Variants in CHL1 observed in about 807,000 individuals in gnomAD.
The protein encoded by CHL1 is neural cell adhesion molecule L1-like protein.
A neutral mutation model predicts 141.9 loss-of-function variants in CHL1; 96 were observed. That is an observed-to-expected ratio of 0.68 (90% CI 0.57 to 0.80). CHL1 has a LOEUF of 0.80. Ranked by LOEUF, CHL1 falls within the 30% of genes least tolerant of loss-of-function variation. The pLI is 0.00. For synonymous variants in CHL1, 613 were observed against 502.2 expected (o/e 1.22, Z -2.95); for missense variants, 1,820 against 1,457.2 (o/e 1.25, Z -4.05).
At chr3:349,170 C>T (rs1202545018) in intron 9 of CHL1, among the ~76,000 whole-genome samples, 189 bp from the exon 10 acceptor site, 2 of 152,164 alleles carry the variant, frequency 1.3e-5, no homozygotes, top group Admixed American at 6.5e-5. Flanking sequence ...GTGAAAGAGA[C>T]TTGCTTCAAC....
intron 2 of CHL1, among the ~76,000 whole-genome samples, chr3:274,943 C>T (rs1033523265): frequency 2.6e-5 from 4 of 152,188 alleles, no homozygotes; most frequent in Non-Finnish European, 5.9e-5. Flanking sequence ...AGCTTACTAT[C>T]AGTGTTTTTA....
chr3:399,624 G>C (rs1220977317), intron 26 of CHL1, among the ~76,000 whole-genome samples: 1 of 151,978 alleles, frequency 6.6e-6, no homozygotes, highest in Non-Finnish European at 1.5e-5. Context: ...TGGGCGACAA[G>C]AGCAAAAACT....
chr3:336,648 G>GT (rs1274694746), intron 5 of CHL1, among the ~76,000 whole-genome samples: 1 of 152,196 alleles, frequency 6.6e-6, no homozygotes, highest in Non-Finnish European at 1.5e-5. Flanking sequence ...TAACCAGTTA[G>GT]TTTTCTAGTG....
chr3:295,762 G>A (rs1698133103), intron 2 of CHL1, among the ~76,000 whole-genome samples: 1 of 152,192 alleles, frequency 6.6e-6, no homozygotes, highest in Admixed American at 6.5e-5. Flanking sequence ...AGCAATGGCT[G>A]TGGCTTTTCT....
chr3:407,219 C>G lies in CHL1; in HGVS notation c.*1508C>G, dbSNP rs902976242. 1.3e-5 allele frequency: 2 copies of G among 152,076 alleles called. No individual in the cohort carries two copies. The highest frequency in any genetic ancestry group is 2.9e-5 in the Non-Finnish European group (2 of 68,006). 9.4% of individuals were successfully genotyped at this position (152,076 alleles called of 1,614,324 possible). A position where few individuals can be genotyped will look rare whatever the true frequency, so the allele number is the denominator to read the frequency against. ...CTTAACTACTGTTTAAGTGAATTGA[C>G]TTATTTCACTTTAGTTTTTGAACTG... is the stretch of plus-strand genomic sequence containing the variant. On this transcript the variant is annotated 3_prime_UTR_variant, in exon 28 of 28. Coordinates refer to ENST00000256509, the MANE Select transcript of CHL1 (RefSeq NM_006614.4).
At chr3:225,492 C>T (rs560641212) in intron 1 of CHL1, among the ~76,000 whole-genome samples, 26 of 152,246 alleles carry the variant, frequency 1.7e-4, no homozygotes, top group African/African-American at 5.1e-4. Flanking sequence ...TCCTCAAGCA[C>T]GAGAATAGTA....
intron 5 of CHL1, 82 bp downstream of exon 5, chr3:328,436 A>G (rs996137088): frequency 6.7e-6 from 8 of 1,185,660 alleles, no homozygotes; most frequent in Non-Finnish European, 9.4e-6. Flanking sequence ...CCAATGAAAT[A>G]AAGCAGTTAT....
In CHL1 at chr3:318,339, T is replaced by A. The variant is rs377227267; in HGVS notation, c.-94-1344T>A. Among the ~76,000 whole-genome samples the A allele has an allele frequency of 4.2e-3, 641 of 152,008 alleles. 3 individuals carry two copies. Among genetic ancestry groups the A allele is most frequent in the South Asian group, 0.017 (84 of 4,818 alleles). On this transcript the variant is annotated intron_variant, in intron 2 of 27. Coordinates refer to ENST00000256509, the MANE Select transcript of CHL1 (RefSeq NM_006614.4). ...TAATGTAAGTTTAAAGACTTTACTA[T>A]CTCTGTGTTAGCTAACTTTTTTCAC...
chr3:319,731 C>A lies in CHL1; in HGVS notation c.-46C>A. 1.6e-6 allele frequency: 2 copies of A among 1,251,700 alleles called. No individual in the cohort carries two copies. The highest frequency in any genetic ancestry group is 1.5e-5 in the African/African-American group (1 of 66,530). 77.5% of individuals were successfully genotyped at this position (1,251,700 alleles called of 1,614,324 possible). ...GCTGTAAACCAAAAGTGAGAGGAGA[C>A]ATTAAGATTTTCATTCTTACCGGGT... On this transcript the variant is annotated 5_prime_UTR_variant, in exon 3 of 28. Transcript: ENST00000256509.
At chr3:217,328 T>C (rs331866) in intron 1 of CHL1, among the ~76,000 whole-genome samples, 147,255 of 152,126 alleles carry the variant, frequency 0.97, 71,373 homozygotes, top group East Asian at 1. Context: ...CATTTATTCA[T>C]GCATCAAATA....
intron 9 of CHL1, among the ~76,000 whole-genome samples, chr3:347,162 AG>A (rs1702837330): frequency 6.6e-6 from 1 of 152,108 alleles, no homozygotes; most frequent in African/African-American, 2.4e-5. Context: ...CTGCTCAAAT[AG>A]TTTTTTTTTC....
chr3:209,857 A>G (rs905764180), intron 1 of CHL1, among the ~76,000 whole-genome samples: 5 of 152,220 alleles, frequency 3.3e-5, no homozygotes, highest in African/African-American at 4.8e-5. Flanking sequence ...CGTTGTTTAC[A>G]GATAGGATTT....
chr3:406,699 A>AT lies in CHL1; in HGVS notation c.*988_*989insT, dbSNP rs1194649671. On this transcript the variant is annotated 3_prime_UTR_variant, in exon 28 of 28. Coordinates refer to ENST00000256509, the MANE Select transcript of CHL1 (RefSeq NM_006614.4). ...CATTAACAGGCATGTTTGTACAGCT[A>AT]GAATATATTAGTAAGATACTGTTTT... The AT allele has an allele frequency of 6.6e-6, 1 of 152,152 alleles. No individual in the cohort carries two copies. Among genetic ancestry groups the AT allele is most frequent in the Non-Finnish European group, 1.5e-5 (1 of 68,022 alleles). 9.4% of individuals were successfully genotyped at this position (152,152 alleles called of 1,614,324 possible).
At chr3:385,335 T>C (rs1199955410) in intron 19 of CHL1, among the ~76,000 whole-genome samples, 1 of 152,178 alleles carries the variant, frequency 6.6e-6, no homozygotes, top group Non-Finnish European at 1.5e-5. Context: ...GTGTCAGTCT[T>C]ATATGTCATA....
chr3:364,520 C>T (rs1409983987), intron 14 of CHL1, among the ~76,000 whole-genome samples: 1 of 152,158 alleles, frequency 6.6e-6, no homozygotes, highest in Non-Finnish European at 1.5e-5. Flanking sequence ...CCAAAATGGA[C>T]CTCAAAACTG....
chr3:255,758 A>G (rs1389367239), intron 2 of CHL1, among the ~76,000 whole-genome samples: 2 of 152,150 alleles, frequency 1.3e-5, no homozygotes, highest in Admixed American at 6.5e-5. Flanking sequence ...GCCTATTGCC[A>G]TTGCCCGTAG....
intron 2 of CHL1, among the ~76,000 whole-genome samples, chr3:281,946 C>T (rs916234615): frequency 1.3e-5 from 2 of 152,198 alleles, no homozygotes; most frequent in African/African-American, 4.8e-5. Flanking sequence ...ATAATCATAT[C>T]ATTTCAAAAA....
At chr3:314,326 T>C (rs1366989278) in intron 2 of CHL1, among the ~76,000 whole-genome samples, 1 of 65,558 alleles carries the variant, frequency 1.5e-5, no homozygotes, top group African/African-American at 1.0e-4. Context: ...TCTCTCTCTA[T>C]GTGTATATAT....
chr3:389,391 C>G lies in CHL1; in HGVS notation c.2387C>G (p.Pro796Arg), dbSNP rs777362823. ...GTGATGACGCCTGCTGTCTATGCCC[C>G]TTATGATGTCAAGGTCCAGGCTATC... Reference protein sequence around the residue: ...LRVMTPAVYAPYDVKVQAINQ... With the variant: ...LRVMTPAVYARYDVKVQAINQ... Residue 796 changes from proline to arginine, a missense_variant, in exon 20 of 28, where the codon CCT (proline) becomes CGT (arginine). Transcript: ENST00000256509. 85 of 1,614,074 alleles carry G rather than the reference C, an allele frequency of 5.3e-5. No individual in the cohort carries two copies. Among genetic ancestry groups the G allele is most frequent in the Non-Finnish European group, 6.9e-5 (81 of 1,180,044 alleles).
Sources: allele counts gnomAD v4.1 joint callset (sites outside exome capture counted in the v4.1 genomes callset), GRCh38; gene constraint gnomAD v4.1.1; transcripts MANE v1.5; gene names NCBI Gene and HGNC (gene_info 2026-07-23, HGNC 2026-07-21).